MYL11: variants seen among roughly 807,000 people sequenced by gnomAD.
The protein encoded by MYL11 is myosin regulatory light chain 11.
the MYL11 span, among the ~76,000 whole-genome samples, chr16:30,374,426 T>C: frequency 6.6e-6 from 1 of 151,942 alleles, no homozygotes; most frequent in South Asian, 2.1e-4. Flanking sequence ...GGATTACAGG[T>C]GTGAACCACT....
At chr16:30,374,020 A>G in the MYL11 span, among the ~76,000 whole-genome samples, 2 of 152,086 alleles carry the variant, frequency 1.3e-5, no homozygotes, top group Non-Finnish European at 2.9e-5. Context: ...TTAATTTAAA[A>G]TAGAGACGGG....
At chr16:30,374,941 C>T in the MYL11 span, 990,503 of 1,536,784 alleles carry the variant, frequency 0.64, 323,413 homozygotes, top group East Asian at 0.9. Flanking sequence ...GTAGCTGGTT[C>T]CCAGTCCAAC....
chr16:30,377,269 G>GC, the MYL11 span, among the ~76,000 whole-genome samples: 1 of 152,004 alleles, frequency 6.6e-6, no homozygotes. Context: ...TATAGTCCCA[G>GC]CTACTCCGGA....
chr16:30,377,682 G>T, the MYL11 span: 5 of 1,548,602 alleles, frequency 3.2e-6, no homozygotes, highest in Non-Finnish European at 4.4e-6. Context: ...CACGCAGTGT[G>T]ACCGCTTCTC....
the MYL11 span, chr16:30,376,329 G>A: frequency 4.3e-5 from 66 of 1,547,622 alleles, no homozygotes; most frequent in African/African-American, 2.9e-4. Flanking sequence ...AGTCTACCCA[G>A]CTGAAAAATG....
the MYL11 span, among the ~76,000 whole-genome samples, chr16:30,376,984 G>A: frequency 6.6e-6 from 1 of 152,136 alleles, no homozygotes; most frequent in Non-Finnish European, 1.5e-5. Context: ...AGGCCAAGGC[G>A]GGCGGATCAT....
the MYL11 span, among the ~76,000 whole-genome samples, chr16:30,374,186 C>G: frequency 6.6e-6 from 1 of 151,768 alleles, no homozygotes; most frequent in African/African-American, 2.4e-5. Flanking sequence ...GGCTTCGTGG[C>G]ACACCTATAA....
the MYL11 span, among the ~76,000 whole-genome samples, chr16:30,373,409 C>T: frequency 2.6e-5 from 4 of 152,264 alleles, no homozygotes; most frequent in South Asian, 8.3e-4. Flanking sequence ...TCCTGGCTAA[C>T]GCGGGGAAAC....
the MYL11 span, chr16:30,375,897 C>T: frequency 6.2e-7 from 1 of 1,614,024 alleles, no homozygotes; most frequent in South Asian, 1.1e-5. Context: ...AGACTCAGAT[C>T]CAGGAGTTCA....
chr16:30,374,355 C>T, the MYL11 span, among the ~76,000 whole-genome samples: 1 of 151,904 alleles, frequency 6.6e-6, no homozygotes, highest in Non-Finnish European at 1.5e-5. Flanking sequence ...CTATGTTGCC[C>T]AGGCTGGTCC....
the MYL11 span, among the ~76,000 whole-genome samples, chr16:30,373,876 A>G: frequency 2.0e-5 from 3 of 152,082 alleles, no homozygotes; most frequent in African/African-American, 7.2e-5. Context: ...CCACCCTCAC[A>G]CTTACACACA....
chr16:30,374,838 G>GC, the MYL11 span: 6 of 1,613,186 alleles, frequency 3.7e-6, no homozygotes, highest in South Asian at 3.3e-5. Flanking sequence ...CCGCTGCCTT[G>GC]CCCCCCGGAG....
chr16:30,375,193 C>G, the MYL11 span, among the ~76,000 whole-genome samples: 2 of 152,190 alleles, frequency 1.3e-5, no homozygotes, highest in African/African-American at 4.8e-5. Context: ...AGGCCAGGTG[C>G]TGTGGTTCAC....
chr16:30,376,269 GA>G, the MYL11 span: 1 of 1,599,484 alleles, frequency 6.3e-7, no homozygotes, highest in Non-Finnish European at 8.5e-7. Context: ...CAGAGTCTAG[GA>G]AATTCAGTGG....
At chr16:30,373,595 CAAAA>C in the MYL11 span, among the ~76,000 whole-genome samples, 5 of 77,638 alleles carry the variant, frequency 6.4e-5, no homozygotes, top group Admixed American at 1.5e-4. Flanking sequence ...GACTTCATCT[CAAAA>C]AAAAAAAAAA....
chr16:30,376,627 C>T, the MYL11 span: 1 of 1,614,130 alleles, frequency 6.2e-7, no homozygotes, highest in Non-Finnish European at 8.5e-7. Flanking sequence ...CAGGTGCCGA[C>T]CCTGAGGATG....
chr16:30,376,794 C>T, the MYL11 span: 1 of 1,280,696 alleles, frequency 7.8e-7, no homozygotes, highest in Non-Finnish European at 1.1e-6. Context: ...AGGCTGGGCC[C>T]TGTGGCTCAG....
At chr16:30,375,403 T>G in the MYL11 span, among the ~76,000 whole-genome samples, 1 of 148,518 alleles carries the variant, frequency 6.7e-6, no homozygotes, top group South Asian at 2.1e-4. Flanking sequence ...AGGCAGAGGT[T>G]GCGGTAAGCC....
chr16:30,377,318 G>C, the MYL11 span, among the ~76,000 whole-genome samples: 1 of 152,136 alleles, frequency 6.6e-6, no homozygotes, highest in Non-Finnish European at 1.5e-5. Flanking sequence ...AAGAGTTCCA[G>C]GTTGCAGTGA....
Sources: gnomAD v4.1 joint callset for allele counts (sites outside exome capture counted in the v4.1 genomes callset) on GRCh38, gnomAD v4.1.1 for gene constraint, MANE v1.5 for transcripts, NCBI Gene and HGNC (gene_info 2026-07-23, HGNC 2026-07-21) for gene names.